Variants in EEFSEC observed in about 807,000 individuals in gnomAD.
EEFSEC encodes selenocysteine-specific elongation factor.
In EEFSEC, 43 loss-of-function variants were observed where a neutral mutation model predicts 42.1. That is an observed-to-expected ratio of 1.02 (90% CI 0.80 to 1.32). The LOEUF is 1.32. EEFSEC is among the 40% of genes most tolerant of loss of function. The pLI is 0.00. For synonymous variants in EEFSEC, 354 were observed against 339.1 expected (o/e 1.04, Z -0.48); for missense variants, 745 against 803.6 (o/e 0.93, Z 0.88).
At chr3:128,415,539 G>T in the EEFSEC span, among the ~76,000 whole-genome samples, 1 of 152,192 alleles carries the variant, frequency 6.6e-6, no homozygotes, top group African/African-American at 2.4e-5. Flanking sequence ...AGTGCTCACC[G>T]TGGGGGGATC....
At chr3:128,412,644 C>T (rs888360013), downstream of EEFSEC, among the ~76,000 whole-genome samples, 1 of 152,208 alleles carries the variant, frequency 6.6e-6, no homozygotes, top group Non-Finnish European at 1.5e-5. Flanking sequence ...TAGCTCCAGA[C>T]CCCCCAGCCC....
chr3:128,217,466 C>T (rs976368690), intron 1 of EEFSEC, among the ~76,000 whole-genome samples: 1 of 152,144 alleles, frequency 6.6e-6, no homozygotes, highest in African/African-American at 2.4e-5. Context: ...ACAGGAAAGA[C>T]AGGATCCTGC....
intron 4 of EEFSEC, 104 bp from the exon 5 acceptor site, chr3:128,341,129 G>A: frequency 7.2e-7 from 1 of 1,394,178 alleles, no homozygotes; most frequent in Non-Finnish European, 9.7e-7. Flanking sequence ...CACGGTGCCT[G>A]CAGGTGGTGG....
rs949509020 is a variant in EEFSEC, at chr3:128,393,026, A to G, written c.1601-15043A>G. On this transcript the variant is annotated intron_variant, in intron 6 of 6. Transcript: ENST00000254730. ...TGTCAGAGGCCCACATGTGGCAGCC[A>G]TGTGTCCATGGGAAGGAGCAGGAGG... Among the ~76,000 whole-genome samples, 51 of 152,232 alleles carry G rather than the reference A, an allele frequency of 3.4e-4. 1 individual carries two copies. The highest frequency in any genetic ancestry group is 1.2e-3 in the Admixed American group (19 of 15,290).
Position 128,307,043 on chromosome 3 carries a change from G to T in EEFSEC, c.787-34190G>T, listed in dbSNP as rs181800303. Among the ~76,000 whole-genome samples, 12 of 152,364 alleles carry T rather than the reference G, an allele frequency of 7.9e-5. No individual in the cohort carries two copies. In the East Asian group the frequency reaches 2.1e-3, roughly 27 times the overall value. On this transcript the variant is annotated intron_variant, in intron 4 of 6. Transcript: ENST00000254730. The stretch of plus-strand genomic sequence containing the variant: ...ACTTAATTGGAACCAGACTGCAGGG[G>T]GCTCAAGGGTCAGGCTAGCAGTCTT...
chr3:128,349,418 A>G (rs1011958983), intron 5 of EEFSEC, among the ~76,000 whole-genome samples: 2 of 152,338 alleles, frequency 1.3e-5, no homozygotes, highest in East Asian at 1.9e-4. Context: ...GCAGAGCTCA[A>G]TGGTCTGGGA....
intron 1 of EEFSEC, among the ~76,000 whole-genome samples, chr3:128,212,626 G>C (rs1424642736): frequency 1.3e-5 from 2 of 152,232 alleles, no homozygotes; most frequent in African/African-American, 4.8e-5. Flanking sequence ...TGTCGACATG[G>C]AGAAGATCTG....
chr3:128,198,377 A>T (rs774871416), intron 1 of EEFSEC, among the ~76,000 whole-genome samples: 1 of 152,188 alleles, frequency 6.6e-6, no homozygotes, highest in Non-Finnish European at 1.5e-5. Flanking sequence ...CTTGTGGTTG[A>T]ATTATGTATA....
At chr3:128,422,561 C>T in the EEFSEC span, among the ~76,000 whole-genome samples, 2 of 152,228 alleles carry the variant, frequency 1.3e-5, no homozygotes, top group Admixed American at 6.5e-5. Flanking sequence ...CTGAGAAACT[C>T]GTTCTCACTC....
At chr3:128,330,039 C>A (rs2067108994) in intron 4 of EEFSEC, among the ~76,000 whole-genome samples, 5 of 152,178 alleles carry the variant, frequency 3.3e-5, no homozygotes, top group Admixed American at 3.3e-4. Context: ...GGATTCCTTA[C>A]CCCCTAAAAA....
chr3:128,345,632 AC>A (rs1312043889), intron 5 of EEFSEC, among the ~76,000 whole-genome samples: 6 of 152,220 alleles, frequency 3.9e-5, no homozygotes, highest in Non-Finnish European at 7.3e-5. Flanking sequence ...GTGAGCCAGC[AC>A]CCAGCCTTTG....
At chr3:128,221,543 G>T (rs1337729795) in intron 1 of EEFSEC, among the ~76,000 whole-genome samples, 1 of 152,196 alleles carries the variant, frequency 6.6e-6, no homozygotes, top group Non-Finnish European at 1.5e-5. Context: ...CCTCAGCCAA[G>T]AAATTAACAT....
chr3:128,402,417 G>A (rs1164547413), intron 6 of EEFSEC, among the ~76,000 whole-genome samples: 1 of 152,196 alleles, frequency 6.6e-6, no homozygotes, highest in African/African-American at 2.4e-5. Flanking sequence ...TGCTGGATGG[G>A]TCTGCTGGCC....
intron 2 of EEFSEC, among the ~76,000 whole-genome samples, chr3:128,255,358 A>T (rs1413491252): frequency 6.6e-6 from 1 of 152,204 alleles, no homozygotes; most frequent in Admixed American, 6.5e-5. Flanking sequence ...ACCTGGTCAG[A>T]TGCCACAGAG....
At chr3:128,345,291 T>C (rs2067299893) in intron 5 of EEFSEC, among the ~76,000 whole-genome samples, 1 of 152,138 alleles carries the variant, frequency 6.6e-6, no homozygotes, top group South Asian at 2.1e-4. Context: ...GCCTGGAGCG[T>C]GGGTCCACTC....
At chr3:128,392,796 G>C (rs1322284537) in intron 6 of EEFSEC, among the ~76,000 whole-genome samples, 1 of 152,216 alleles carries the variant, frequency 6.6e-6, no homozygotes, top group Non-Finnish European at 1.5e-5. Context: ...GCACACACAG[G>C]CTGCTCGGGT....
intron 2 of EEFSEC, among the ~76,000 whole-genome samples, chr3:128,259,485 T>G (rs1394106402): frequency 6.6e-6 from 1 of 152,226 alleles, no homozygotes; most frequent in Non-Finnish European, 1.5e-5. Context: ...GTGGAAAAGG[T>G]AGCATACCTT....
At chr3:128,356,998 C>T (rs1302655027) in intron 5 of EEFSEC, among the ~76,000 whole-genome samples, 3 of 152,246 alleles carry the variant, frequency 2.0e-5, no homozygotes, top group Non-Finnish European at 4.4e-5. Flanking sequence ...ACATCTTCTC[C>T]AGCAAGCACA....
intron 4 of EEFSEC, among the ~76,000 whole-genome samples, chr3:128,324,027 G>A (rs1011326196): frequency 9.2e-5 from 14 of 152,208 alleles, no homozygotes; most frequent in African/African-American, 3.4e-4. Flanking sequence ...TCTGGGGAAG[G>A]AGGCACGTGT....
Sources: gnomAD v4.1 joint callset for allele counts (sites outside exome capture counted in the v4.1 genomes callset) on GRCh38, gnomAD v4.1.1 for gene constraint, MANE v1.5 for transcripts, NCBI Gene and HGNC (gene_info 2026-07-23, HGNC 2026-07-21) for gene names.